ADGRL3: variants seen among roughly 807,000 people sequenced by gnomAD.
The protein encoded by ADGRL3 is calcium-independent alpha-latrotoxin receptor 3.
In ADGRL3, 62 loss-of-function variants were observed where a neutral mutation model predicts 153.5. The ratio of observed to expected loss-of-function variants is 0.40; its 90% CI spans 0.33 to 0.50. The LOEUF is 0.50. ADGRL3 is among the 20% of genes least tolerant of loss of function. The pLI is 0.47. For missense variants in ADGRL3, 1,641 were observed against 1,859.4 expected, an observed-to-expected ratio of 0.88 and a Z score of 2.16; for synonymous variants, 710 against 672.5, an observed-to-expected ratio of 1.06 and a Z score of -0.86.
chr4:61,422,986 C>A (rs909294244), intron 2 of ADGRL3, among the ~76,000 whole-genome samples: 71 of 152,096 alleles, frequency 4.7e-4, no homozygotes, highest in African/African-American at 1.7e-3. Flanking sequence ...ATGATTAATT[C>A]TTAGCCTTAG....
rs1044132239 is a variant in ADGRL3, at chr4:61,332,128, A to G, written c.-239-50996A>G. Among the ~76,000 whole-genome samples the G allele has an allele frequency of 3.9e-5, 6 of 152,192 alleles. No homozygotes were observed. The South Asian group carries it at 1.2e-3, about 31-fold the overall frequency. On this transcript the variant is annotated intron_variant, in intron 1 of 26. Transcript: ENST00000683033. Reference sequence around the variant, plus strand: ...ACAGGAATTAATAATACCCATGAACAAGAGAGAACCTTTGGAAATTTACTA... The same window carrying G: ...ACAGGAATTAATAATACCCATGAACGAGAGAGAACCTTTGGAAATTTACTA...
chr4:61,833,096 T>C (rs527822019), intron 9 of ADGRL3, among the ~76,000 whole-genome samples: 105 of 152,304 alleles, frequency 6.9e-4, no homozygotes, highest in African/African-American at 2.4e-3. Context: ...TATTTGTATT[T>C]TTATCTTCAA....
Position 61,803,974 on chromosome 4 carries a change from A to G in ADGRL3, c.1400-9835A>G, listed in dbSNP as rs1179144900. 6.6e-5 allele frequency among the ~76,000 whole-genome samples: 10 copies of G among 152,206 alleles called. No individual in the cohort carries two copies. The East Asian group carries it at 1.9e-3, about 29-fold the overall frequency. On this transcript the variant is annotated intron_variant, in intron 8 of 26. Transcript: ENST00000683033. The stretch of plus-strand genomic sequence containing the variant: ...TGCTGCAAACATAAAAGTAGGATGA[A>G]TCTGTCAAAAATGAACAATTTGCAC...
At position 61,533,947 on chromosome 4, in the gene ADGRL3, G is replaced by T. The variant is rs530533390; in HGVS notation, c.259+16429G>T. 1.2e-4 allele frequency among the ~76,000 whole-genome samples: 19 copies of T among 152,098 alleles called. No homozygotes were observed. The South Asian group carries it at 3.5e-3, about 28-fold the overall frequency. ...ATACACGTGCAGGTTTGTTATATGG[G>T]TATATTGTGTGATGGTGACACAATT... On this transcript the variant is annotated intron_variant, in intron 4 of 26. Transcript: ENST00000683033.
chr4:61,426,149 C>G (rs2097277242), intron 2 of ADGRL3, among the ~76,000 whole-genome samples: 1 of 152,250 alleles, frequency 6.6e-6, no homozygotes, highest in Admixed American at 6.5e-5. Flanking sequence ...TTCCATAAGT[C>G]TTGCCACATG....
At chr4:61,809,662 A>C (rs1020131132) in intron 8 of ADGRL3, among the ~76,000 whole-genome samples, 1 of 151,966 alleles carries the variant, frequency 6.6e-6, no homozygotes, top group African/African-American at 2.4e-5. Context: ...CATATGATAT[A>C]ATTCATGTAT....
rs983834989 is a variant in ADGRL3, at chr4:61,381,636, T to C, written c.-239-1488T>C. ...ATTTCCCAGATGGGAGGGAAAAAAA[T>C]AAAAGATCTTAAAGGTGATGGTATT... On this transcript the variant is annotated intron_variant, in intron 1 of 26. Transcript: ENST00000683033. 4.0e-5 allele frequency among the ~76,000 whole-genome samples: 6 copies of C among 151,482 alleles called. 1 individual carries two copies. Among genetic ancestry groups the C allele is most frequent in the Non-Finnish European group, 8.9e-5 (6 of 67,794 alleles).
chr4:61,874,825 G>T (rs1371549313), intron 9 of ADGRL3, among the ~76,000 whole-genome samples: 1 of 94,442 alleles, frequency 1.1e-5, no homozygotes, highest in African/African-American at 4.1e-5. Context: ...TTTTTGAGAC[G>T]GAGTCTCGCT....
chr4:61,745,332 A>G (rs1025762703), intron 8 of ADGRL3, among the ~76,000 whole-genome samples: 1 of 152,158 alleles, frequency 6.6e-6, no homozygotes. Context: ...AGGCAGGCCA[A>G]CATTCAGACT....
chr4:61,949,500 C>A (rs543330481), intron 17 of ADGRL3, among the ~76,000 whole-genome samples: 1 of 151,996 alleles, frequency 6.6e-6, no homozygotes, highest in Non-Finnish European at 1.5e-5. Context: ...GAGTTAGAGA[C>A]CAGACTGACT....
At chr4:61,924,695 A>G (rs1368520676) in intron 13 of ADGRL3, among the ~76,000 whole-genome samples, 1 of 152,144 alleles carries the variant, frequency 6.6e-6, no homozygotes, top group Admixed American at 6.5e-5. Context: ...CCATTTGAAG[A>G]CTTTTATTCT....
chr4:61,485,982 C>A (rs373045066), intron 2 of ADGRL3, among the ~76,000 whole-genome samples: 120 of 151,254 alleles, frequency 7.9e-4, no homozygotes, highest in African/African-American at 2.9e-3. Context: ...CTCGCTCTGT[C>A]GCCCCGGCTG....
intron 8 of ADGRL3, among the ~76,000 whole-genome samples, chr4:61,749,186 C>T (rs2096717195): frequency 6.6e-6 from 1 of 152,090 alleles, no homozygotes; most frequent in East Asian, 1.9e-4. Flanking sequence ...GTTAGAATGG[C>T]AATCATTAAA....
rs373678980 is a variant in ADGRL3 at position 61,391,106 on chromosome 4, G to A, written c.-174+7917G>A. On this transcript the variant is annotated intron_variant, in intron 2 of 26. Transcript: ENST00000683033. Reference sequence around the variant, plus strand: ...AAAGATTGTGTTAGTTCATTGGTACGCCTATAAAATACTGCTAGTACAAGG... The same window carrying A: ...AAAGATTGTGTTAGTTCATTGGTACACCTATAAAATACTGCTAGTACAAGG... Among the ~76,000 whole-genome samples, 6 of 152,130 alleles carry A rather than the reference G, an allele frequency of 3.9e-5. No homozygotes were observed. The South Asian group carries it at 8.3e-4, about 21-fold the overall frequency.
chr4:62,068,981 A>G (rs1187693543), intron 26 of ADGRL3, among the ~76,000 whole-genome samples: 2 of 152,276 alleles, frequency 1.3e-5, no homozygotes, highest in South Asian at 4.1e-4. Flanking sequence ...ATATATTAAG[A>G]AGTTTAATAG....
chr4:61,584,086 T>G (rs1031272403), intron 4 of ADGRL3, among the ~76,000 whole-genome samples: 2 of 152,060 alleles, frequency 1.3e-5, no homozygotes, highest in Non-Finnish European at 2.9e-5. Context: ...AAAAACCTTT[T>G]TTTTTCCTTT....
chr4:61,529,562 G>A (rs182682372), intron 4 of ADGRL3, among the ~76,000 whole-genome samples: 10 of 152,210 alleles, frequency 6.6e-5, no homozygotes, highest in Non-Finnish European at 1.3e-4. Context: ...GTAAATTGAA[G>A]TAAATTATTT....
chr4:61,348,641 C>T (rs2095975678), intron 1 of ADGRL3, among the ~76,000 whole-genome samples: 1 of 151,918 alleles, frequency 6.6e-6, no homozygotes, highest in East Asian at 1.9e-4. Flanking sequence ...TTCTACAATA[C>T]AGCAAGCCTG....
chr4:61,965,276 G>A (rs537207012), intron 17 of ADGRL3, among the ~76,000 whole-genome samples: 165 of 152,114 alleles, frequency 1.1e-3, no homozygotes, highest in African/African-American at 3.9e-3. Context: ...TAGGATTACA[G>A]GCGTGAGCCA....
Sources: gnomAD v4.1 joint callset for allele counts (sites outside exome capture counted in the v4.1 genomes callset) on GRCh38, gnomAD v4.1.1 for gene constraint, MANE v1.5 for transcripts, NCBI Gene and HGNC (gene_info 2026-07-23, HGNC 2026-07-21) for gene names.